AP3B1: variants seen among roughly 807,000 people sequenced by gnomAD.
The protein encoded by AP3B1 is AP-3 complex subunit beta-1.
AP3B1 carries 61 observed loss-of-function variants against 132.5 expected under a neutral mutation model. The ratio of observed to expected loss-of-function variants is 0.46; its 90% confidence interval spans 0.37 to 0.57. AP3B1 has a LOEUF of 0.57. AP3B1 is among the 20% of genes least tolerant of loss of function. AP3B1 has a pLI of 0.00. For synonymous variants in AP3B1, 388 were observed against 438.3 expected (o/e 0.89, Z 1.43); for missense variants, 1,120 against 1,289.4 (o/e 0.87, Z 2.01).
At chr5:78,188,119 C>T (rs1199359818) in intron 7 of AP3B1, among the ~76,000 whole-genome samples, 1 of 152,168 alleles carries the variant, frequency 6.6e-6, no homozygotes, top group Admixed American at 6.5e-5. Context: ...AAACCCAAAA[C>T]TATAAAAACC....
Position 78,225,539 on chromosome 5 carries a change from T to C in AP3B1, c.603+3A>G, listed in dbSNP as rs1357382699. The C allele has an allele frequency of 2.0e-6, 3 of 1,519,658 alleles. No homozygotes were observed. The highest frequency in any genetic ancestry group is 2.7e-6 in the Non-Finnish European group (3 of 1,096,766). 94.1% of individuals were successfully genotyped at this position (1,519,658 alleles called of 1,614,324 possible). A position where few individuals can be genotyped will look rare whatever the true frequency, so the allele number is the denominator to read the frequency against. On this transcript the variant is annotated splice_donor_region_variant and intron_variant, in intron 6 of 26. Transcript: ENST00000255194. ...GTCAAAGACGTAAAAAGACATTACT[T>C]ACTGTGCTTTTATCTTTCAGAAGTT...
chr5:78,240,963 T>C (rs369498224), intron 2 of AP3B1, 27 bp from the exon 3 acceptor site: 4 of 1,477,574 alleles, frequency 2.7e-6, no homozygotes, highest in East Asian at 4.5e-5. Flanking sequence ...ACAGACAATA[T>C]GGGAAATTCT....
At chr5:78,185,780 G>C (rs1218018778) in intron 7 of AP3B1, among the ~76,000 whole-genome samples, 1 of 152,086 alleles carries the variant, frequency 6.6e-6, no homozygotes, top group African/African-American at 2.4e-5. Flanking sequence ...TGAGGTGGGA[G>C]GATCACTGGA....
chr5:78,132,995 C>T (rs536692480), intron 15 of AP3B1, among the ~76,000 whole-genome samples: 11 of 152,314 alleles, frequency 7.2e-5, no homozygotes, highest in Non-Finnish European at 1.5e-4. Flanking sequence ...GCTTTCACCA[C>T]TCTCTTTAAT....
At chr5:78,019,041 AT>A (rs1320613837) in intron 25 of AP3B1, among the ~76,000 whole-genome samples, 1 of 152,154 alleles carries the variant, frequency 6.6e-6, no homozygotes, top group Admixed American at 6.6e-5. Flanking sequence ...ACTTGCAAGG[AT>A]TTACAAATAC....
Position 78,213,069 on chromosome 5 carries a change from T to C in AP3B1, c.786+2986A>G, listed in dbSNP as rs182256536. On this transcript the variant is annotated intron_variant, in intron 7 of 26. Transcript: ENST00000255194. ...ATTTTTTTTGTATTTTTAGTAGAGA[T>C]GGGGTTTCACCGTGTTAGCCAGGAT... Among the ~76,000 whole-genome samples the C allele has an allele frequency of 8.0e-3, 1,214 of 151,774 alleles. 7 individuals carry two copies. The highest frequency in any genetic ancestry group is 0.011 in the Non-Finnish European group (740 of 67,914).
chr5:78,003,926 G>A (rs1746286868), intron 26 of AP3B1, among the ~76,000 whole-genome samples: 1 of 152,182 alleles, frequency 6.6e-6, no homozygotes, highest in African/African-American at 2.4e-5. Flanking sequence ...TGAAGGAAGA[G>A]GACAGGAACC....
At chr5:78,180,273 T>TCAATTCATTAAGAATTGTTCTGAACAGAA (rs879815103) in intron 8 of AP3B1, among the ~76,000 whole-genome samples, 1 of 152,050 alleles carries the variant, frequency 6.6e-6, no homozygotes, top group African/African-American at 2.4e-5. Context: ...TTCTCAAGAA[T>TCAATTCATTAAGAATTGTTCTGAACAGAA]CAATTCATTA....
chr5:78,188,664 T>C (rs1744702812), intron 7 of AP3B1, among the ~76,000 whole-genome samples: 1 of 152,296 alleles, frequency 6.6e-6, no homozygotes, highest in Middle Eastern at 3.4e-3. Flanking sequence ...TTGAAGACAA[T>C]GTGCTGATTC....
intron 26 of AP3B1, among the ~76,000 whole-genome samples, chr5:78,012,758 G>A (rs957156822): frequency 3.9e-5 from 6 of 152,162 alleles, no homozygotes; most frequent in Admixed American, 3.3e-4. Context: ...TGAGGACCAC[G>A]AACATTAAGT....
At chr5:78,144,047 G>T (rs1165228210) in intron 14 of AP3B1, among the ~76,000 whole-genome samples, 3 of 151,600 alleles carry the variant, frequency 2.0e-5, no homozygotes. Context: ...TGTTCCCCAT[G>T]GTCTTTTTAA....
chr5:78,289,093 A>G (rs1749402248), intron 1 of AP3B1, among the ~76,000 whole-genome samples: 1 of 152,210 alleles, frequency 6.6e-6, no homozygotes, highest in Non-Finnish European at 1.5e-5. Flanking sequence ...TACTATTAAT[A>G]AAATTGTATT....
intron 2 of AP3B1, among the ~76,000 whole-genome samples, chr5:78,244,957 T>A (rs1490817561): frequency 6.6e-6 from 1 of 151,718 alleles, no homozygotes; most frequent in Non-Finnish European, 1.5e-5. Flanking sequence ...ATCGCACCCC[T>A]GCACTCCAGC....
chr5:78,238,336 C>T (rs752570449), intron 3 of AP3B1, among the ~76,000 whole-genome samples: 12 of 152,304 alleles, frequency 7.9e-5, no homozygotes, highest in Admixed American at 2.6e-4. Context: ...ACTGATTCTA[C>T]ATTATGGTGA....
intron 19 of AP3B1, among the ~76,000 whole-genome samples, chr5:78,111,831 T>G (rs187931388): frequency 6.6e-6 from 1 of 152,326 alleles, no homozygotes; most frequent in Non-Finnish European, 1.5e-5. Flanking sequence ...TTAAATGCAC[T>G]CTTCCTGGGT....
intron 22 of AP3B1, chr5:78,043,910 T>G (rs1246287793): frequency 2.8e-6 from 1 of 354,864 alleles, no homozygotes; most frequent in Non-Finnish European, 5.5e-6. Context: ...TACCATGGGT[T>G]GGGGATGATG....
intron 24 of AP3B1, among the ~76,000 whole-genome samples, chr5:78,021,259 T>TAGGTGCTAATAAAGTAATATCTC (rs1477547031): frequency 1.3e-5 from 2 of 152,104 alleles, no homozygotes; most frequent in African/African-American, 2.4e-5. Flanking sequence ...TGTGTTTAGA[T>TAGGTGCTAATAAAGTAATATCTC]AGGTGCTAAT....
intron 14 of AP3B1, 84 bp from the exon 15 acceptor site, chr5:78,141,403 A>C (rs1480058478): frequency 2.9e-6 from 3 of 1,043,844 alleles, no homozygotes; most frequent in Admixed American, 2.1e-5. Flanking sequence ...ACTATTACAA[A>C]AGTTTTACAG....
At chr5:78,030,209 C>T (rs866584431) in intron 24 of AP3B1, among the ~76,000 whole-genome samples, 21 of 152,176 alleles carry the variant, frequency 1.4e-4, no homozygotes, top group South Asian at 8.3e-4. Context: ...GCAATCATCG[C>T]GCACTGCAGC....
Sources: gnomAD v4.1 joint callset for allele counts (sites outside exome capture counted in the v4.1 genomes callset) on GRCh38, gnomAD v4.1.1 for gene constraint, MANE v1.5 for transcripts, NCBI Gene and HGNC (gene_info 2026-07-23, HGNC 2026-07-21) for gene names.